The following DGKB variants were observed in gnomAD, a reference collection of about 807,000 sequenced individuals.
DGKB encodes the protein diacylglycerol kinase beta.
A neutral mutation model predicts 114.3 loss-of-function variants in DGKB; 67 were observed. That is an observed-to-expected ratio of 0.59 (90% confidence interval 0.48 to 0.72). The LOEUF is 0.72. DGKB is among the 30% of genes least tolerant of loss of function. The probability of loss-of-function intolerance (pLI) is 0.00; values close to 1 mark genes in which losing one functional copy is unlikely to be tolerated. For synonymous variants in DGKB, 398 were observed against 323.1 expected (o/e 1.23, Z -2.49); for missense variants, 907 against 975.2 (o/e 0.93, Z 0.93).
intron 17 of DGKB, among the ~76,000 whole-genome samples, chr7:14,606,612 T>C (rs1054855307): frequency 6.7e-6 from 1 of 150,292 alleles, no homozygotes; most frequent in African/African-American, 2.5e-5. Context: ...AAAAAAAAAA[T>C]GAAGCATGCA....
intron 20 of DGKB, among the ~76,000 whole-genome samples, chr7:14,517,933 T>A (rs1283642252): frequency 1.3e-5 from 2 of 152,122 alleles, no homozygotes; most frequent in Non-Finnish European, 2.9e-5. Flanking sequence ...AGCAGAATTA[T>A]CACTTGACCC....
At chr7:14,607,259 G>A (rs371775024) in intron 17 of DGKB, among the ~76,000 whole-genome samples, 175 bp downstream of exon 17, 6 of 151,818 alleles carry the variant, frequency 4.0e-5, no homozygotes, top group African/African-American at 1.4e-4. Context: ...GCTAGAAATG[G>A]ACTATTTTGG....
At chr7:14,719,432 C>G (rs952221816) in intron 5 of DGKB, among the ~76,000 whole-genome samples, 5 of 129,578 alleles carry the variant, frequency 3.9e-5, no homozygotes, top group Non-Finnish European at 5.2e-5. Flanking sequence ...TTAGTTCTGT[C>G]TTACCCAGAA....
intron 1 of DGKB, among the ~76,000 whole-genome samples, chr7:14,909,911 C>T (rs1783895214): frequency 6.6e-6 from 1 of 151,900 alleles, no homozygotes; most frequent in African/African-American, 2.4e-5. Context: ...TTTAAATAAT[C>T]AAAATCATGT....
intron 20 of DGKB, among the ~76,000 whole-genome samples, chr7:14,540,392 C>T (rs892236543): frequency 3.9e-5 from 6 of 152,100 alleles, no homozygotes; most frequent in South Asian, 2.1e-4. Context: ...GGTGATTGTG[C>T]TTTGTTTGAA....
rs1024973730 is a variant in DGKB, at chr7:14,512,388, G to A, written c.1771-34163C>T. On this transcript the variant is annotated intron_variant, in intron 20 of 25. Coordinates refer to ENST00000402815, the MANE Select transcript of DGKB (RefSeq NM_001350709.2). ...TACATAATCAATGACTATCCAAAGA[G>A]TAGAATTTTCTCTATCAGAACTATG... Among the ~76,000 whole-genome samples the A allele has an allele frequency of 2.0e-5, 3 of 152,090 alleles. No homozygotes were observed. The East Asian group carries it at 5.8e-4, about 29-fold the overall frequency.
intron 23 of DGKB, among the ~76,000 whole-genome samples, chr7:14,296,797 A>C (rs1396832040): frequency 1.3e-5 from 2 of 148,458 alleles, no homozygotes; most frequent in East Asian, 3.9e-4. Flanking sequence ...GATTAACAAG[A>C]TAGACCACTA....
At chr7:14,571,693 C>A (rs1421564838) in intron 20 of DGKB, among the ~76,000 whole-genome samples, 1 of 152,146 alleles carries the variant, frequency 6.6e-6, no homozygotes, top group Non-Finnish European at 1.5e-5. Flanking sequence ...GAAAGAAAGG[C>A]CAGATTATAT....
intron 1 of DGKB, among the ~76,000 whole-genome samples, chr7:14,922,374 T>C (rs1013190348): frequency 1.0e-5 from 1 of 97,042 alleles, no homozygotes; most frequent in African/African-American, 5.1e-5. Flanking sequence ...TGTGTATCCA[T>C]CGTGTGTGTG....
At chr7:14,350,510 T>C (rs1302501258) in intron 21 of DGKB, among the ~76,000 whole-genome samples, 2 of 152,078 alleles carry the variant, frequency 1.3e-5, no homozygotes, top group African/African-American at 4.8e-5. Context: ...CAGAGGGCGA[T>C]GAAATTATCT....
intron 1 of DGKB, among the ~76,000 whole-genome samples, chr7:14,852,487 C>CAAAAACAAAAAAACAAAAAA (rs1554304205): frequency 0.024 from 1,519 of 63,598 alleles, 109 homozygotes; most frequent in South Asian, 0.036. Flanking sequence ...TAGTGAAAGT[C>CAAAAACAAAAAAACAAAAAA]AAAAAAAAAA....
At chr7:14,547,829 A>G (rs1260233627) in intron 20 of DGKB, among the ~76,000 whole-genome samples, 3 of 152,204 alleles carry the variant, frequency 2.0e-5, no homozygotes. Context: ...GAAAGAAAAT[A>G]AAAATTCTGT....
intron 13 of DGKB, among the ~76,000 whole-genome samples, chr7:14,671,209 G>A (rs908996213): frequency 3.9e-5 from 6 of 152,178 alleles, no homozygotes; most frequent in East Asian, 1.9e-4. Context: ...GGGATGCACC[G>A]ACATGGGCAT....
intron 17 of DGKB, among the ~76,000 whole-genome samples, chr7:14,604,044 G>T (rs933766566): frequency 6.6e-6 from 1 of 152,024 alleles, no homozygotes; most frequent in Non-Finnish European, 1.5e-5. Context: ...TAAAGCCCAA[G>T]AGTAATTTAT....
At chr7:14,368,097 A>G (rs1816993684) in intron 21 of DGKB, among the ~76,000 whole-genome samples, 1 of 151,998 alleles carries the variant, frequency 6.6e-6, no homozygotes, top group Non-Finnish European at 1.5e-5. Flanking sequence ...TCACAGCAAA[A>G]TTGTGCAGAA....
intron 21 of DGKB, among the ~76,000 whole-genome samples, chr7:14,394,635 C>T (rs1583620371): frequency 6.6e-6 from 1 of 151,258 alleles, no homozygotes; most frequent in African/African-American, 2.4e-5. Flanking sequence ...CTTCACCTTT[C>T]TTCCTGCTAT....
chr7:14,495,087 T>C (rs930184608), intron 20 of DGKB, among the ~76,000 whole-genome samples: 25 of 151,884 alleles, frequency 1.6e-4, no homozygotes, highest in African/African-American at 5.6e-4. Context: ...TCCTATTGTA[T>C]TTCAAGTTGA....
chr7:14,161,510 T>A (rs1002730327), intron 25 of DGKB, among the ~76,000 whole-genome samples: 2 of 149,082 alleles, frequency 1.3e-5, no homozygotes, highest in Non-Finnish European at 3.0e-5. Flanking sequence ...AGTTCATGTC[T>A]TTGCAGGGAC....
chr7:14,415,508 A>G (rs1825573128), intron 21 of DGKB, among the ~76,000 whole-genome samples: 1 of 150,374 alleles, frequency 6.7e-6, no homozygotes, highest in African/African-American at 2.4e-5. Flanking sequence ...CCTATGAGTG[A>G]GAACATGCGG....
Sources: gnomAD v4.1 joint callset for allele counts (sites outside exome capture counted in the v4.1 genomes callset) on GRCh38, gnomAD v4.1.1 for gene constraint, MANE v1.5 for transcripts, NCBI Gene and HGNC (gene_info 2026-07-23, HGNC 2026-07-21) for gene names.